The following CACNA1B variants were observed in gnomAD, a reference collection of about 807,000 sequenced individuals.
CACNA1B encodes the protein voltage-dependent N-type calcium channel subunit alpha-1B.
In CACNA1B, 70 loss-of-function variants were observed where a neutral mutation model predicts 247.2. The ratio of observed to expected loss-of-function variants is 0.28; its 90% CI spans 0.23 to 0.35. CACNA1B has a LOEUF of 0.35. Ranked by LOEUF, CACNA1B falls within the 10% of genes least tolerant of loss-of-function variation. The probability of loss-of-function intolerance (pLI) is 1.00; values close to 1 mark genes in which losing one functional copy is unlikely to be tolerated. For synonymous variants in CACNA1B, 1,231 were observed against 1,294.4 expected (o/e 0.95, Z 1.05); for missense variants, 2,367 against 3,197.4 (o/e 0.74, Z 6.26).
rs965782588 is a variant in CACNA1B, at chr9:138,012,471, T to C, written c.2161-658T>C. 6.6e-6 allele frequency among the ~76,000 whole-genome samples: 1 copy of C among 151,954 alleles called. No individual in the cohort carries two copies. The highest frequency in any genetic ancestry group is 1.5e-5 in the Non-Finnish European group (1 of 67,974). The stretch of plus-strand genomic sequence containing the variant: ...GTACAGACAAGCTGAAGGCCAGGCA[T>C]GGTAGCTAACACCTGTACTCCCAGC... On this transcript the variant is annotated intron_variant, in intron 17 of 46. Transcript: ENST00000371372. The surrounding 1 kb of genome is among the most constrained non-coding windows in gnomAD (Gnocchi z 4.2).
intron 39 of CACNA1B, among the ~76,000 whole-genome samples, chr9:138,109,785 C>T (rs570094255): frequency 1.3e-5 from 2 of 152,256 alleles, no homozygotes; most frequent in South Asian, 2.1e-4. Flanking sequence ...ATAGAAAACA[C>T]AAGGCCAGGC....
Position 138,121,692 on chromosome 9 carries a change from T to G in CACNA1B, c.6713T>G (p.Leu2238Arg). ...LSRGLSEHNA[L>R]LQRDPLSQPL... ...CGTGGGCTTTCCGAACACAACGCCC[T>G]GCTGCAGAGAGACCCCCTCAGCCAG... Residue 2238 changes from leucine (L) to arginine (R), a missense_variant, in exon 47 of 47, where the codon CTG becomes CGG. Around this residue, in one of 12 missense-constraint regions of CACNA1B, gnomAD observed 773 missense variants for 779.4 expected, o/e 0.99. Transcript: ENST00000371372. This position sits in a 1 kb window ranked among gnomAD's most constrained non-coding sequence, Gnocchi z 6.8. The G allele has an allele frequency of 6.2e-7, 1 of 1,613,302 alleles. No homozygotes were observed. The highest frequency in any genetic ancestry group is 8.5e-7 in the Non-Finnish European group (1 of 1,179,726).
intron 3 of CACNA1B, among the ~76,000 whole-genome samples, chr9:137,898,706 G>T (rs947687003): frequency 8.0e-5 from 12 of 150,078 alleles, no homozygotes; most frequent in African/African-American, 2.9e-4. Flanking sequence ...TTTTGAGATG[G>T]AGTCTCCCTC....
At chr9:138,053,659 C>G (rs1329316688) in intron 25 of CACNA1B, among the ~76,000 whole-genome samples, 187 bp from the exon 26 acceptor site, 1 of 145,330 alleles carries the variant, frequency 6.9e-6, no homozygotes, top group East Asian at 2.0e-4. Context: ...TGGCCCCACC[C>G]TCCCACCATG....
intron 36 of CACNA1B, among the ~76,000 whole-genome samples, chr9:138,080,303 C>T (rs922360861): frequency 3.3e-5 from 5 of 152,132 alleles, no homozygotes; most frequent in East Asian, 1.9e-4. Context: ...TGGAGGTTCT[C>T]GTGAGGACAT....
In CACNA1B at chr9:138,114,475, T is replaced by A; in HGVS notation, c.5634T>A (p.Pro1878=). Residue 1878 remains proline, a synonymous_variant, in exon 41 of 47, where the codon CCT becomes CCA. Coordinates refer to ENST00000371372, the MANE Select transcript of CACNA1B (RefSeq NM_000718.4). ...KTTRDQMQQA[P]GGLSQMGPVS... ...CCAGAGACCAGATGCAGCAGGCTCC[T>A]GGAGGCCTCTCCCAGGTAGCTGGCG... is the stretch of plus-strand genomic sequence containing the variant. The A allele has an allele frequency of 6.4e-7, 1 of 1,568,412 alleles. No individual in the cohort carries two copies. Among genetic ancestry groups the A allele is most frequent in the Non-Finnish European group, 8.7e-7 (1 of 1,152,144 alleles).
At position 138,007,538 on chromosome 9, in the gene CACNA1B, G is replaced by A. The variant is rs1350336363; in HGVS notation, c.2092+654G>A. Among the ~76,000 whole-genome samples, 1 of 152,182 alleles carries A rather than the reference G, an allele frequency of 6.6e-6. No homozygotes were observed. Among genetic ancestry groups the A allele is most frequent in the East Asian group, 1.9e-4 (1 of 5,186 alleles). ...GTGAGTGGGTCCCCCTGTAGCTGGG[G>A]TGGGAAGTTCAGGCCTAGAAGTGTC... On this transcript the variant is annotated intron_variant, in intron 16 of 46. Transcript: ENST00000371372. The surrounding 1 kb of genome is among the most constrained non-coding windows in gnomAD (Gnocchi z 4.1).
Position 137,955,031 on chromosome 9 carries a change from G to T in CACNA1B, c.1071-667G>T, listed in dbSNP as rs1957930815. On this transcript the variant is annotated intron_variant, in intron 7 of 46. Coordinates refer to ENST00000371372, the MANE Select transcript of CACNA1B (RefSeq NM_000718.4). The surrounding 1 kb of genome is among the most constrained non-coding windows in gnomAD (Gnocchi z 6.9). Reference sequence around the variant, plus strand: ...GTGTTCTCTGCTGGTCACCATGACGGCTGTGAAGGCTCAGGCGGGGCTGGG... The same window carrying T: ...GTGTTCTCTGCTGGTCACCATGACGTCTGTGAAGGCTCAGGCGGGGCTGGG... 6.6e-6 allele frequency among the ~76,000 whole-genome samples: 1 copy of T among 152,246 alleles called. No individual in the cohort carries two copies. Among genetic ancestry groups the T allele is most frequent in the East Asian group, 1.9e-4 (1 of 5,174 alleles).
intron 36 of CACNA1B, among the ~76,000 whole-genome samples, chr9:138,082,782 A>G (rs1960566214): frequency 6.6e-6 from 1 of 151,314 alleles, no homozygotes; most frequent in Non-Finnish European, 1.5e-5. Flanking sequence ...CTTCTCAAAA[A>G]GACAGAACAA....
chr9:137,879,435 C>T (rs963542058), intron 2 of CACNA1B, among the ~76,000 whole-genome samples: 2 of 152,222 alleles, frequency 1.3e-5, no homozygotes, highest in Non-Finnish European at 1.5e-5. Context: ...TCCTGGCTTT[C>T]GGCGCTAGAC....
chr9:137,921,594 AC>A (rs1466589437), intron 6 of CACNA1B, among the ~76,000 whole-genome samples: 1 of 135,872 alleles, frequency 7.4e-6, no homozygotes, highest in Non-Finnish European at 1.6e-5. Flanking sequence ...GATCAACACC[AC>A]GACCGCACAG....
chr9:137,911,477 G>A (rs919692994), intron 3 of CACNA1B, among the ~76,000 whole-genome samples: 1 of 152,140 alleles, frequency 6.6e-6, no homozygotes, highest in Non-Finnish European at 1.5e-5. Flanking sequence ...GTGCAATGGC[G>A]CAATCTCGGC....
chr9:137,913,390 G>T lies in CACNA1B; in HGVS notation c.622+119G>T. 1.4e-6 allele frequency: 1 copy of T among 727,920 alleles called. No homozygotes were observed. The highest frequency in any genetic ancestry group is 1.8e-5 in the South Asian group (1 of 56,476). 45.1% of individuals were successfully genotyped at this position (727,920 alleles called of 1,614,324 possible). ...TGGTGACTCTGAGCTTGCCACTTTT[G>T]ACCCCAGGGAACCAGGCAGGAGGAA... On this transcript the variant is annotated intron_variant, in intron 4 of 46. Coordinates refer to ENST00000371372, the MANE Select transcript of CACNA1B (RefSeq NM_000718.4). This position sits in a 1 kb window ranked among gnomAD's most constrained non-coding sequence, Gnocchi z 5.2.
chr9:138,043,994 G>A (rs774349353), intron 21 of CACNA1B, 94 bp downstream of exon 21: 298 of 1,486,064 alleles, frequency 2.0e-4, no homozygotes, highest in Non-Finnish European at 2.4e-4. Flanking sequence ...CTGATTCTGC[G>A]CACTTATGTA....
At chr9:138,036,369 G>T (rs1431211886) in intron 20 of CACNA1B, among the ~76,000 whole-genome samples, 1 of 152,180 alleles carries the variant, frequency 6.6e-6, no homozygotes, top group Admixed American at 6.5e-5. Context: ...TCGATCTCCT[G>T]ACCTCGTGAT....
chr9:138,076,187 G>A (rs760254425), intron 35 of CACNA1B, among the ~76,000 whole-genome samples: 13 of 152,278 alleles, frequency 8.5e-5, no homozygotes, highest in Non-Finnish European at 1.6e-4. Context: ...CTGCTGCCTC[G>A]TCTGTGCTCC....
At chr9:137,922,755 A>T (rs772005758) in intron 6 of CACNA1B, among the ~76,000 whole-genome samples, 2 of 152,230 alleles carry the variant, frequency 1.3e-5, no homozygotes, top group Non-Finnish European at 2.9e-5. Flanking sequence ...GAAATAGCTC[A>T]TGCATCCTTT....
intron 23 of CACNA1B, 74 bp downstream of exon 23, chr9:138,047,532 A>G (rs191400125): frequency 1.9e-5 from 20 of 1,075,268 alleles, no homozygotes; most frequent in South Asian, 1.8e-4. Context: ...GGACCAGGGC[A>G]GTGGTTGAAC....
Position 138,086,494 on chromosome 9 carries a change from C to T in CACNA1B, c.5094+8236C>T, listed in dbSNP as rs958174393. ...GTGCTGTGATTACACCTGTGAGTAGCCACTACACTCCAGCCTGGGCAACAT... is the reference window on the plus strand; with the variant it reads ...GTGCTGTGATTACACCTGTGAGTAGTCACTACACTCCAGCCTGGGCAACAT... On this transcript the variant is annotated intron_variant, in intron 36 of 46. Coordinates refer to ENST00000371372, the MANE Select transcript of CACNA1B (RefSeq NM_000718.4). Among the ~76,000 whole-genome samples the T allele has an allele frequency of 2.0e-5, 3 of 151,054 alleles. 1 individual carries two copies. Among genetic ancestry groups the T allele is most frequent in the East Asian group, 4.1e-4 (2 of 4,922 alleles).
Sources: gnomAD v4.1 joint callset for allele counts (sites outside exome capture counted in the v4.1 genomes callset) on GRCh38, gnomAD v4.1.1 for gene constraint, gnomAD v4.1.1 regional missense constraint, Gnocchi (gnomAD v3.1) non-coding constraint, MANE v1.5 for transcripts, NCBI Gene and HGNC (gene_info 2026-07-23, HGNC 2026-07-21) for gene names.